DDX10: variants seen among roughly 807,000 people sequenced by gnomAD.
DDX10 encodes probable ATP-dependent RNA helicase DDX10.
DDX10 carries 74 observed loss-of-function variants against 104.3 expected under a neutral mutation model. The observed-to-expected ratio is 0.71, with a 90% CI of 0.59 to 0.86. The LOEUF (loss-of-function observed/expected upper bound fraction) is 0.86, where lower values mean the gene tolerates loss of function less well. Among genes scored for constraint, DDX10 ranks in the 40% least tolerant of loss-of-function variants. The probability of loss-of-function intolerance (pLI) is 0.00; values close to 1 mark genes in which losing one functional copy is unlikely to be tolerated. For synonymous variants in DDX10, 351 were observed against 353.4 expected, an observed-to-expected ratio of 0.99 and a Z score of 0.08; for missense variants, 952 against 1,040.0, an observed-to-expected ratio of 0.92 and a Z score of 1.16.
At chr11:108,930,683 A>G (rs1863964745) in intron 17 of DDX10, among the ~76,000 whole-genome samples, 1 of 152,218 alleles carries the variant, frequency 6.6e-6, no homozygotes, top group Non-Finnish European at 1.5e-5. Context: ...TTGAAATTTA[A>G]CCATTTCATA....
intron 17 of DDX10, chr11:108,921,307 C>A (rs1863822495): frequency 6.6e-6 from 1 of 152,166 alleles, no homozygotes; most frequent in Non-Finnish European, 1.5e-5. Flanking sequence ...AGAATTTTGA[C>A]AGTGGTAATT....
At chr11:108,680,020 T>A (rs191220084) in intron 6 of DDX10, among the ~76,000 whole-genome samples, 1 of 152,338 alleles carries the variant, frequency 6.6e-6, no homozygotes, top group African/African-American at 2.4e-5. Context: ...TCATCCTTTT[T>A]AGCAGGATTA....
chr11:108,681,482 T>C (rs1565244897), intron 6 of DDX10, among the ~76,000 whole-genome samples: 1 of 152,204 alleles, frequency 6.6e-6, no homozygotes, highest in Admixed American at 6.5e-5. Context: ...TTTCATCTAA[T>C]GTCAATGTTA....
chr11:108,741,591 GAT>G (rs1256862360), intron 13 of DDX10, among the ~76,000 whole-genome samples: 2 of 152,090 alleles, frequency 1.3e-5, no homozygotes, highest in Non-Finnish European at 2.9e-5. Context: ...TTCTTGATTT[GAT>G]CCTCAGCTTG....
chr11:108,691,827 A>G, intron 7 of DDX10, 49 bp from the exon 8 acceptor site: 1 of 1,553,466 alleles, frequency 6.4e-7, no homozygotes, highest in Non-Finnish European at 8.8e-7. Context: ...GAAAAGCTTT[A>G]TTGCTGCCAT....
intron 13 of DDX10, among the ~76,000 whole-genome samples, chr11:108,739,685 G>A (rs779575618): frequency 1.3e-5 from 2 of 152,130 alleles, no homozygotes; most frequent in Non-Finnish European, 2.9e-5. Context: ...CCGTCTGGTA[G>A]AAAAAGTATC....
At chr11:108,709,844 A>G (rs2094281730) in intron 10 of DDX10, among the ~76,000 whole-genome samples, 1 of 151,970 alleles carries the variant, frequency 6.6e-6, no homozygotes, top group African/African-American at 2.4e-5. Context: ...TCTGTTTCCC[A>G]AGTTGGAACT....
At chr11:108,818,230 A>G (rs1368591773) in intron 13 of DDX10, among the ~76,000 whole-genome samples, 1 of 152,222 alleles carries the variant, frequency 6.6e-6, no homozygotes, top group Non-Finnish European at 1.5e-5. Flanking sequence ...GTGACAGAAC[A>G]GTGAGAGGCA....
At chr11:108,769,500 T>G (rs1480711975) in intron 13 of DDX10, among the ~76,000 whole-genome samples, 1 of 152,196 alleles carries the variant, frequency 6.6e-6, no homozygotes, top group Non-Finnish European at 1.5e-5. Context: ...TCTTATATCT[T>G]TAGTAAATGT....
chr11:108,915,949 T>A (rs1863742501), intron 16 of DDX10, among the ~76,000 whole-genome samples: 6 of 127,706 alleles, frequency 4.7e-5, no homozygotes, highest in African/African-American at 1.8e-4. Context: ...TGCAAAAATG[T>A]AAAAAAAAAA....
At chr11:108,841,832 G>A (rs1946266640) in intron 15 of DDX10, among the ~76,000 whole-genome samples, 1 of 152,142 alleles carries the variant, frequency 6.6e-6, no homozygotes, top group Non-Finnish European at 1.5e-5. Context: ...TTACTGGAAT[G>A]TTTTATATAA....
At chr11:108,908,782 T>C (rs1317375385) in intron 16 of DDX10, among the ~76,000 whole-genome samples, 19 of 152,242 alleles carry the variant, frequency 1.2e-4, no homozygotes, top group Admixed American at 1.2e-3. Context: ...AAGTGTGTTA[T>C]TATGTAGCAT....
At chr11:108,791,445 T>C (rs1401996093) in intron 13 of DDX10, among the ~76,000 whole-genome samples, 2 of 152,254 alleles carry the variant, frequency 1.3e-5, no homozygotes, top group Admixed American at 1.3e-4. Context: ...TTTTTTCTTT[T>C]TAAAATCAGT....
At chr11:108,852,360 T>C (rs1862806053) in intron 16 of DDX10, 151 bp downstream of exon 16, 2 of 588,548 alleles carry the variant, frequency 3.4e-6, no homozygotes. Context: ...TATTTGTATA[T>C]CATGATATTC....
chr11:108,665,431 C>G, intron 1 of DDX10, 92 bp downstream of exon 1: 3 of 1,400,308 alleles, frequency 2.1e-6, no homozygotes, highest in Non-Finnish European at 2.8e-6. Flanking sequence ...GGCGGCGGAT[C>G]TGTCACCGGG....
intron 8 of DDX10, 112 bp downstream of exon 8, chr11:108,692,150 T>C: frequency 1.0e-6 from 1 of 994,462 alleles, no homozygotes; most frequent in Non-Finnish European, 1.4e-6. Flanking sequence ...CTTTTCTTAT[T>C]TTGTAAGAGA....
At chr11:108,884,134 A>G (rs1273788549) in intron 16 of DDX10, among the ~76,000 whole-genome samples, 1 of 152,092 alleles carries the variant, frequency 6.6e-6, no homozygotes, top group Non-Finnish European at 1.5e-5. Context: ...CCTACTTAAT[A>G]TTTCCACTTG....
At chr11:108,884,298 CCTTTAACATACCAGGCACATGG>C (rs1357304898) in intron 16 of DDX10, among the ~76,000 whole-genome samples, 1 of 152,170 alleles carries the variant, frequency 6.6e-6, no homozygotes, top group Non-Finnish European at 1.5e-5. Flanking sequence ...CACAAACCTT[CCTTTAACATACCAGGCACATGG>C]CTACCTCTGG....
Position 108,745,204 on chromosome 11 carries a change from TTTCC to T in DDX10, c.1965+21753_1965+21756del, listed in dbSNP as rs1269017717. Reference sequence around the variant, plus strand: ...CTCCCCTCCCCTTCCTTCCCTTTCGTTTCCTTCCTTCCTTTCCTTTCCTTCCCTT... The same window carrying T: ...CTCCCCTCCCCTTCCTTCCCTTTCGTTTCCTTCCTTTCCTTTCCTTCCCTT... On this transcript the variant is annotated intron_variant, in intron 13 of 17. Transcript: ENST00000322536. Among the ~76,000 whole-genome samples, 1,116 of 128,240 alleles carry T rather than the reference TTTCC, an allele frequency of 8.7e-3. 28 individuals carry two copies. The highest frequency in any genetic ancestry group is 0.031 in the African/African-American group (1,062 of 34,816). The allele number at this position is 128,240 out of a possible 152,430, so 84.1% of individuals were successfully genotyped here. A position where few individuals can be genotyped will look rare whatever the true frequency, so the allele number is the denominator to read the frequency against.
Sources: gnomAD v4.1 joint callset for allele counts (sites outside exome capture counted in the v4.1 genomes callset) on GRCh38, gnomAD v4.1.1 for gene constraint, MANE v1.5 for transcripts, NCBI Gene and HGNC (gene_info 2026-07-23, HGNC 2026-07-21) for gene names.